Variants in PTPRC observed in about 807,000 individuals in gnomAD.
The protein encoded by PTPRC is receptor-type tyrosine-protein phosphatase C.
PTPRC carries 44 observed loss-of-function variants against 155.9 expected under a neutral mutation model. The observed-to-expected ratio is 0.28, with a 90% confidence interval of 0.22 to 0.36. The LOEUF (loss-of-function observed/expected upper bound fraction) is 0.36, where lower values mean the gene tolerates loss of function less well. PTPRC is among the 10% of genes least tolerant of loss of function. The probability of loss-of-function intolerance (pLI) is 1.00; values close to 1 mark genes in which losing one functional copy is unlikely to be tolerated. For synonymous variants in PTPRC, 525 were observed against 533.1 expected, an observed-to-expected ratio of 0.98 and a Z score of 0.21; for missense variants, 1,401 against 1,564.6, an observed-to-expected ratio of 0.90 and a Z score of 1.76.
rs1350969145 is a variant in PTPRC at position 198,757,391 on chromosome 1, T to C, written c.*1210T>C. ...ACTTTTACAGGCCCCAATTATCCAA[T>C]AGTCTAATAATTGTTTAAGATCTAG... On this transcript the variant is annotated 3_prime_UTR_variant, in exon 33 of 33. Transcript: ENST00000442510. The C allele has an allele frequency of 6.6e-6, 1 of 151,514 alleles. No homozygotes were observed. The highest frequency in any genetic ancestry group is 1.5e-5 in the Non-Finnish European group (1 of 67,722). 9.4% of individuals were successfully genotyped at this position (151,514 alleles called of 1,614,324 possible). A position where few individuals can be genotyped will look rare whatever the true frequency, so the allele number is the denominator to read the frequency against.
chr1:198,726,590 T>G (rs1260848339), intron 15 of PTPRC, among the ~76,000 whole-genome samples: 3 of 152,200 alleles, frequency 2.0e-5, no homozygotes, highest in African/African-American at 7.2e-5. Context: ...AGTCTGTATC[T>G]GAAATTACTT....
chr1:198,644,547 T>C (rs924959026), intron 2 of PTPRC, among the ~76,000 whole-genome samples: 1 of 151,802 alleles, frequency 6.6e-6, no homozygotes, highest in Non-Finnish European at 1.5e-5. Flanking sequence ...GCTACTTCAA[T>C]ATCAGTCTGT....
At chr1:198,753,331 A>T (rs1325406866) in intron 31 of PTPRC, among the ~76,000 whole-genome samples, 1 of 152,066 alleles carries the variant, frequency 6.6e-6, no homozygotes, top group Non-Finnish European at 1.5e-5. Flanking sequence ...AGATTTTATT[A>T]GTTTCTTCAT....
At chr1:198,702,661 T>G in intron 6 of PTPRC, 131 bp downstream of exon 6, 1 of 1,233,826 alleles carries the variant, frequency 8.1e-7, no homozygotes, top group South Asian at 1.2e-5. Context: ...TGTTCACGTA[T>G]CAACACCAAA....
At chr1:198,748,020 A>C in intron 26 of PTPRC, 89 bp from the exon 27 acceptor site, 2 of 1,507,254 alleles carry the variant, frequency 1.3e-6, no homozygotes, top group Admixed American at 4.7e-5. Flanking sequence ...AAAATTAATG[A>C]AATGCTTTTC....
At chr1:198,655,205 A>T (rs961539068) in intron 2 of PTPRC, among the ~76,000 whole-genome samples, 1 of 151,638 alleles carries the variant, frequency 6.6e-6, no homozygotes, top group African/African-American at 2.4e-5. Flanking sequence ...TCCTGCTTTT[A>T]TTTGAGTTAG....
intron 2 of PTPRC, among the ~76,000 whole-genome samples, chr1:198,684,718 T>C (rs914531157): frequency 2.0e-5 from 3 of 151,972 alleles, no homozygotes; most frequent in African/African-American, 7.2e-5. Flanking sequence ...CTTCTCTTGA[T>C]CTTGAGATGT....
Position 198,739,789 on chromosome 1 carries a change from C to T in PTPRC, c.2404-2080C>T, listed in dbSNP as rs559545888. 7.9e-5 allele frequency among the ~76,000 whole-genome samples: 12 copies of T among 151,898 alleles called. No individual in the cohort carries two copies. The South Asian group carries it at 2.5e-3, about 31-fold the overall frequency. On this transcript the variant is annotated intron_variant, in intron 23 of 32. Coordinates refer to ENST00000442510, the MANE Select transcript of PTPRC (RefSeq NM_002838.5). ...GCTGAAGAATACACATTCTTCTCCT[C>T]AGCCCATGGATCATTCTCAGGGACA...
chr1:198,657,040 G>C (rs903898180), intron 2 of PTPRC, among the ~76,000 whole-genome samples: 1 of 149,738 alleles, frequency 6.7e-6, no homozygotes, highest in Non-Finnish European at 1.5e-5. Flanking sequence ...AATACATATA[G>C]TGTATATATA....
At chr1:198,653,324 GT>G (rs1274038428) in intron 2 of PTPRC, among the ~76,000 whole-genome samples, 2 of 151,746 alleles carry the variant, frequency 1.3e-5, no homozygotes. Context: ...ATGAGGAATT[GT>G]TATACTGTTT....
Position 198,732,518 on chromosome 1 carries a change from G to A in PTPRC, c.2104G>A (p.Asp702Asn), listed in dbSNP as rs372940886. 7 of 1,610,886 alleles carry A rather than the reference G, an allele frequency of 4.3e-6. No homozygotes were observed. In the African/African-American group the frequency reaches 6.7e-5, roughly 15 times the overall value. The part of the protein sequence containing the change: ...NRVELSEING[D>N]AGSNYINASY... ...TGTTGAACTCTCTGAGATAAACGGA[G>A]ATGCAGGGTCAAACTACATAAATGC... is the stretch of plus-strand genomic sequence containing the variant. The change falls in exon 20 of 33, where the codon GAT becomes AAT. Residue 702 changes from aspartate (D) to asparagine (N), a missense_variant. Asp to Asn is a conservative substitution (Grantham distance 23). Around this residue, in one of 3 missense-constraint regions of PTPRC, gnomAD observed 867 missense variants for 970.4 expected, o/e 0.89. Transcript: ENST00000442510.
intron 2 of PTPRC, among the ~76,000 whole-genome samples, chr1:198,673,730 G>A (rs930620731): frequency 2.0e-5 from 3 of 152,080 alleles, no homozygotes; most frequent in Non-Finnish European, 4.4e-5. Context: ...AATAAAGAAG[G>A]TGTGAATAAT....
chr1:198,694,585 C>T, intron 3 of PTPRC: 2 of 986,628 alleles, frequency 2.0e-6, no homozygotes, highest in Non-Finnish European at 2.4e-6. Flanking sequence ...TCTCTCAAAG[C>T]AAAAGGGATC....
chr1:198,700,735 T>C (rs1159515153), intron 5 of PTPRC, among the ~76,000 whole-genome samples: 2 of 152,130 alleles, frequency 1.3e-5, no homozygotes, highest in Non-Finnish European at 2.9e-5. Context: ...GATCAAGGAA[T>C]TCTTCTTCTC....
At chr1:198,651,789 T>C (rs1321681179) in intron 2 of PTPRC, among the ~76,000 whole-genome samples, 1 of 151,814 alleles carries the variant, frequency 6.6e-6, no homozygotes, top group East Asian at 1.9e-4. Context: ...AATAGTTCAA[T>C]TTAATTTTCC....
chr1:198,741,021 G>A (rs1297427021), intron 23 of PTPRC, among the ~76,000 whole-genome samples: 2 of 151,796 alleles, frequency 1.3e-5, no homozygotes, highest in Non-Finnish European at 2.9e-5. Context: ...ATAGAGTGCT[G>A]TGAAACAATC....
chr1:198,703,069 A>C lies in PTPRC; in HGVS notation c.584-229A>C, dbSNP rs76408292. Reference sequence around the variant, plus strand: ...GATTGCATATCATCAACTAAGAATTATATCAAGGAATGAATAGTTTTCCCT... The same window carrying C: ...GATTGCATATCATCAACTAAGAATTCTATCAAGGAATGAATAGTTTTCCCT... On this transcript the variant is annotated intron_variant, in intron 6 of 32. Coordinates refer to ENST00000442510, the MANE Select transcript of PTPRC (RefSeq NM_002838.5). Among the ~76,000 whole-genome samples the C allele has an allele frequency of 3.8e-3, 582 of 152,348 alleles. 1 individual carries two copies. The highest frequency in any genetic ancestry group is 0.012 in the African/African-American group (507 of 41,576).
chr1:198,715,456 C>T lies in PTPRC; in HGVS notation c.1292-1226C>T, dbSNP rs77023088. The stretch of plus-strand genomic sequence containing the variant: ...ATATTTTGGAGAACTGCAGTTTTAT[C>T]TCGTTAACTTAATGATGGCAAGTGA... On this transcript the variant is annotated intron_variant, in intron 12 of 32. Transcript: ENST00000442510. Among the ~76,000 whole-genome samples, 310 of 151,966 alleles carry T rather than the reference C, an allele frequency of 2.0e-3. 1 individual carries two copies. The highest frequency in any genetic ancestry group is 3.9e-3 in the Non-Finnish European group (266 of 67,942).
At chr1:198,646,606 T>G (rs774476415) in intron 2 of PTPRC, among the ~76,000 whole-genome samples, 2 of 151,908 alleles carry the variant, frequency 1.3e-5, no homozygotes, top group Non-Finnish European at 2.9e-5. Context: ...TCAGTGACAT[T>G]AATGTGGAGA....
Sources: gnomAD v4.1 joint callset for allele counts (sites outside exome capture counted in the v4.1 genomes callset) on GRCh38, gnomAD v4.1.1 for gene constraint, gnomAD v4.1.1 regional missense constraint, MANE v1.5 for transcripts, NCBI Gene and HGNC (gene_info 2026-07-23, HGNC 2026-07-21) for gene names.